Variants in KCTD8 observed in about 807,000 individuals in gnomAD.
KCTD8 encodes BTB/POZ domain-containing protein KCTD8.
In KCTD8, 27 loss-of-function variants were observed where a neutral mutation model predicts 31.5. The ratio of observed to expected loss-of-function variants is 0.86; its 90% CI spans 0.63 to 1.18. The LOEUF (loss-of-function observed/expected upper bound fraction) is 1.18. KCTD8 is among the 50% of genes most tolerant of loss of function. KCTD8 has a pLI of 0.00. For missense variants in KCTD8, 658 were observed against 647.7 expected (o/e 1.02, Z -0.17); for synonymous variants, 290 against 280.0 (o/e 1.04, Z -0.36).
chr4:44,340,865 T>TA (rs1272908171), intron 1 of KCTD8, among the ~76,000 whole-genome samples: 1 of 152,054 alleles, frequency 6.6e-6, no homozygotes, highest in East Asian at 1.9e-4. Flanking sequence ...CAGGAAAAGA[T>TA]ACGGTGAAAT....
Position 44,174,220 on chromosome 4 carries a change from C to CA in KCTD8, c.*569dup, listed in dbSNP as rs1290841631. On this transcript the variant is annotated 3_prime_UTR_variant, in exon 2 of 2. Coordinates refer to ENST00000360029, the MANE Select transcript of KCTD8 (RefSeq NM_198353.3). ...TTACATTTATAGGCTTTGTCTAAAACATTTTTTTTTGCTTTTTTTTGTAAT... is the reference window on the plus strand; with the variant it reads ...TTACATTTATAGGCTTTGTCTAAAACAATTTTTTTTTGCTTTTTTTTGTAAT... The CA allele has an allele frequency of 6.6e-6, 1 of 151,190 alleles. No individual in the cohort carries two copies. The highest frequency in any genetic ancestry group is 2.5e-5 in the African/African-American group (1 of 40,172). The allele number at this position is 151,190 out of a possible 1,614,324, so 9.4% of individuals were successfully genotyped here. A position where few individuals can be genotyped will look rare whatever the true frequency, so the allele number is the denominator to read the frequency against.
Position 44,448,664 on chromosome 4 carries a change from T to A in KCTD8, c.-141A>T. The A allele has an allele frequency of 1.1e-6, 1 of 923,978 alleles. No individual in the cohort carries two copies. Among genetic ancestry groups the A allele is most frequent in the Non-Finnish European group, 1.4e-6 (1 of 704,336 alleles). The allele number at this position is 923,978 out of a possible 1,614,324, so 57.2% of individuals were successfully genotyped here. ...GTTCCTCCGACCGGGGCGGCCCCGC[T>A]CAGGGTTCGGGGCAGCGGCGGCGTC... On this transcript the variant is annotated 5_prime_UTR_variant, in exon 1 of 2. An upstream open reading frame in the 5' UTR loses its in-frame stop. Transcript: ENST00000360029. This position sits in a 1 kb window ranked among gnomAD's most constrained non-coding sequence, Gnocchi z 4.1.
chr4:44,399,634 A>G (rs1045204821), intron 1 of KCTD8, among the ~76,000 whole-genome samples: 4 of 152,216 alleles, frequency 2.6e-5, no homozygotes, highest in Non-Finnish European at 5.9e-5. Flanking sequence ...CCAATAAAGC[A>G]AGAGTGAGCA....
chr4:44,443,883 CA>C (rs1721870461), intron 1 of KCTD8, among the ~76,000 whole-genome samples: 1 of 151,908 alleles, frequency 6.6e-6, no homozygotes. Context: ...TTTTGTCTCC[CA>C]GATATTGCTA....
At chr4:44,199,660 G>A (rs1290443019) in intron 1 of KCTD8, among the ~76,000 whole-genome samples, 1 of 152,052 alleles carries the variant, frequency 6.6e-6, no homozygotes, top group East Asian at 1.9e-4. Context: ...GCAATGTTAA[G>A]ATGAAAGTTT....
Position 44,447,997 on chromosome 4 carries a change from G to A in KCTD8, c.527C>T (p.Ala176Val), listed in dbSNP as rs10028087. 2,185 of 1,569,492 alleles carry A rather than the reference G, an allele frequency of 1.4e-3. 33 individuals carry two copies. In the African/African-American group the frequency reaches 0.027, roughly 19 times the overall value. The change falls in exon 1 of 2, where the codon GCG (alanine) becomes GTG (valine). Residue 176 changes from alanine to valine, a missense_variant. Coordinates refer to ENST00000360029, the MANE Select transcript of KCTD8 (RefSeq NM_198353.3). ...EDNVSQGSSDALLLRGAAAAV... is the reference protein window; with the variant it reads ...EDNVSQGSSDVLLLRGAAAAV... ...GGCCGCCGCCCCGCGCAGCAGCAGC[G>A]CGTCGCTGCTACCCTGCGAGACGTT...
chr4:44,324,429 C>A (rs1208171181), intron 1 of KCTD8, among the ~76,000 whole-genome samples: 1 of 151,978 alleles, frequency 6.6e-6, no homozygotes, highest in East Asian at 1.9e-4. Flanking sequence ...AGAAGCTAAT[C>A]TTTCTCTTTC....
intron 1 of KCTD8, among the ~76,000 whole-genome samples, chr4:44,244,694 G>T (rs570601990): frequency 6.6e-6 from 1 of 152,032 alleles, no homozygotes; most frequent in Non-Finnish European, 1.5e-5. Flanking sequence ...TCATTCCAAA[G>T]GGGTCCTGTT....
chr4:44,368,948 G>A (rs943796060), intron 1 of KCTD8, among the ~76,000 whole-genome samples: 2 of 152,200 alleles, frequency 1.3e-5, no homozygotes, highest in African/African-American at 4.8e-5. Flanking sequence ...ACTTCAGTGA[G>A]TCATCAGTAT....
intron 1 of KCTD8, among the ~76,000 whole-genome samples, chr4:44,192,823 A>C (rs928511709): frequency 6.6e-6 from 1 of 152,170 alleles, no homozygotes; most frequent in Non-Finnish European, 1.5e-5. Context: ...AGCCAGAATA[A>C]AAGGAGGCAG....
chr4:44,427,425 G>A (rs939058809), intron 1 of KCTD8, among the ~76,000 whole-genome samples: 1 of 151,300 alleles, frequency 6.6e-6, no homozygotes. Flanking sequence ...TATTAGAAGG[G>A]AAAGAATAAA....
At chr4:44,192,235 T>G (rs1471450224) in intron 1 of KCTD8, among the ~76,000 whole-genome samples, 1 of 152,142 alleles carries the variant, frequency 6.6e-6, no homozygotes, top group Non-Finnish European at 1.5e-5. Context: ...CAAAAACAAA[T>G]CTAATCATTG....
At chr4:44,238,010 T>C (rs887942070) in intron 1 of KCTD8, among the ~76,000 whole-genome samples, 1 of 152,216 alleles carries the variant, frequency 6.6e-6, no homozygotes, top group Admixed American at 6.5e-5. Flanking sequence ...CCACTATATT[T>C]CACTGCTCTC....
chr4:44,354,569 C>T (rs1159901376), intron 1 of KCTD8, among the ~76,000 whole-genome samples: 1 of 152,094 alleles, frequency 6.6e-6, no homozygotes, highest in Non-Finnish European at 1.5e-5. Flanking sequence ...TCATTTAATA[C>T]ACTCATTTTA....
At chr4:44,254,327 G>A (rs1250553714) in intron 1 of KCTD8, among the ~76,000 whole-genome samples, 1 of 152,002 alleles carries the variant, frequency 6.6e-6, no homozygotes, top group East Asian at 1.9e-4. Flanking sequence ...ATTGGGTCCA[G>A]GGCAAAGATC....
intron 1 of KCTD8, among the ~76,000 whole-genome samples, chr4:44,386,852 TTCA>T (rs1390444196): frequency 6.6e-6 from 1 of 151,588 alleles, no homozygotes; most frequent in Non-Finnish European, 1.5e-5. Context: ...AACCTAAATG[TTCA>T]TCAACAGATG....
At chr4:44,319,575 G>T (rs1718234393) in intron 1 of KCTD8, among the ~76,000 whole-genome samples, 1 of 152,058 alleles carries the variant, frequency 6.6e-6, no homozygotes, top group Non-Finnish European at 1.5e-5. Flanking sequence ...TACGCCATGA[G>T]CCCTTCCTTG....
chr4:44,204,402 T>C (rs1024371878), intron 1 of KCTD8, among the ~76,000 whole-genome samples: 13 of 152,292 alleles, frequency 8.5e-5, no homozygotes, highest in African/African-American at 1.2e-4. Context: ...ATCGGTTATG[T>C]TATCTATAGA....
chr4:44,431,319 A>G (rs1721496879), intron 1 of KCTD8, among the ~76,000 whole-genome samples: 1 of 151,492 alleles, frequency 6.6e-6, no homozygotes, highest in South Asian at 2.1e-4. Flanking sequence ...CTTTCTTGTT[A>G]CAATCCACTC....
Sources: gnomAD v4.1 joint callset for allele counts (sites outside exome capture counted in the v4.1 genomes callset) on GRCh38, gnomAD v4.1.1 for gene constraint, Gnocchi (gnomAD v3.1) non-coding constraint, MANE v1.5 for transcripts, NCBI Gene and HGNC (gene_info 2026-07-23, HGNC 2026-07-21) for gene names.